The following RIF1 variants were observed in gnomAD, a reference collection of about 807,000 sequenced individuals.
The protein encoded by RIF1 is replication timing regulatory factor 1, also known as telomere-associated protein RIF1.
Under a neutral mutation model 247.1 loss-of-function variants are expected in RIF1, and 45 were observed. The ratio of observed to expected loss-of-function variants is 0.18; its 90% confidence interval spans 0.14 to 0.23. RIF1 has a LOEUF of 0.23. Among genes scored for constraint, RIF1 ranks in the 10% least tolerant of loss-of-function variants. The pLI, the probability that RIF1 is intolerant of heterozygous loss-of-function variation, is 1.00. For synonymous variants in RIF1, 1,087 were observed against 978.8 expected, an observed-to-expected ratio of 1.11 and a Z score of -2.06; for missense variants, 2,967 against 2,862.5, an observed-to-expected ratio of 1.04 and a Z score of -0.83.
Position 151,437,474 on chromosome 2 carries a change from T to TG in RIF1, c.1483+124dup, listed in dbSNP as rs1691448857. 4 of 702,304 alleles carry TG rather than the reference T, an allele frequency of 5.7e-6. No individual in the cohort carries two copies. The East Asian group carries it at 1.1e-4, about 19-fold the overall frequency. The allele number at this position is 702,304 out of a possible 1,614,324, so 43.5% of individuals were successfully genotyped here. On this transcript the variant is annotated intron_variant, in intron 13 of 35. Coordinates refer to ENST00000444746, the MANE Select transcript of RIF1 (RefSeq NM_018151.5). ...GGGAGGCCGAGGTGAGTGGATCACT[T>TG]GAGCTCAGGAGTTCGAGACCAGCCT...
Position 151,463,397 on chromosome 2 carries a change from A to G in RIF1, c.3877A>G (p.Lys1293Glu), listed in dbSNP as rs2152497763. Residue 1293 changes from lysine to glutamate, a missense_variant, in exon 30 of 36, where the codon AAA (lysine) becomes GAA (glutamate). Around this residue, in one of 7 missense-constraint regions of RIF1, gnomAD observed 2,028 missense variants for 1,825.6 expected, o/e 1.11. Coordinates refer to ENST00000444746, the MANE Select transcript of RIF1 (RefSeq NM_018151.5). Reference sequence around the variant, plus strand: ...TAAGAGATCAAGCCGGAGAGCTGGTAAAGCTGAACAAACAGGGAATAAAAG... The same window carrying G: ...TAAGAGATCAAGCCGGAGAGCTGGTGAAGCTGAACAAACAGGGAATAAAAG... ...GTKRSSRRAG[K>E]AEQTGNKRSK... The G allele has an allele frequency of 6.2e-7, 1 of 1,614,044 alleles. No individual in the cohort carries two copies. Among genetic ancestry groups the G allele is most frequent in the Non-Finnish European group, 8.5e-7 (1 of 1,179,984 alleles).
rs1415849520 is a variant in RIF1 at position 151,502,736 on chromosome 2, GTTA to G, written c.*710-292_*710-290del. The G allele has an allele frequency of 8.6e-6, 8 of 924,882 alleles. 1 individual carries two copies. The highest frequency in any genetic ancestry group is 5.2e-5 in the East Asian group (2 of 38,114). The allele number at this position is 924,882 out of a possible 1,614,324, so 57.3% of individuals were successfully genotyped here. A position where few individuals can be genotyped will look rare whatever the true frequency, so the allele number is the denominator to read the frequency against. ...TTTAGTAATTTTACATTTGTAAGGTGTTATTATTTTAAATAAAATTAAGGGATT... is the reference window on the plus strand; with the variant it reads ...TTTAGTAATTTTACATTTGTAAGGTGTTATTTTAAATAAAATTAAGGGATT... On this transcript the variant is annotated intron_variant and NMD_transcript_variant, in intron 11 of 13. Transcript: ENST00000454583.
At chr2:151,426,036 A>G (rs1011806617) in intron 8 of RIF1, among the ~76,000 whole-genome samples, 1 of 151,610 alleles carries the variant, frequency 6.6e-6, no homozygotes, top group Non-Finnish European at 1.5e-5. Flanking sequence ...ATCCAAGCTC[A>G]GTATTCTATT....
chr2:151,518,386 G>A, the RIF1 span: 1 of 1,612,024 alleles, frequency 6.2e-7, no homozygotes, highest in Non-Finnish European at 8.5e-7. Flanking sequence ...GTGTGGTAGT[G>A]GCCTTTACTC....
At chr2:151,528,201 GGCT>G in the RIF1 span, among the ~76,000 whole-genome samples, 3 of 152,142 alleles carry the variant, frequency 2.0e-5, no homozygotes, top group East Asian at 3.9e-4. Flanking sequence ...CTGGAGAACT[GGCT>G]GCATTGGGCC....
rs529548281 is a variant in RIF1 at position 151,466,185 on chromosome 2, T to C, written c.6600+65T>C. On this transcript the variant is annotated intron_variant, in intron 30 of 35. Coordinates refer to ENST00000444746, the MANE Select transcript of RIF1 (RefSeq NM_018151.5). ...TGGTTGGGATATTTTGGCCATACAG[T>C]GACCTCTGGTGAATGACAAAATATT... 3.4e-4 allele frequency: 284 copies of C among 844,094 alleles called. 1 individual carries two copies. In the South Asian group the frequency reaches 4.9e-3, roughly 14 times the overall value. The allele number at this position is 844,094 out of a possible 1,614,324, so 52.3% of individuals were successfully genotyped here. A position where few individuals can be genotyped will look rare whatever the true frequency, so the allele number is the denominator to read the frequency against.
In RIF1 at chr2:151,454,923, A is replaced by T; in HGVS notation, c.2373A>T (p.Lys791Asn). The change falls in exon 22 of 36, where the codon AAA (lysine) becomes AAT (asparagine). Residue 791 changes from lysine to asparagine, a missense_variant. Physicochemically the swap from Lys to Asn is moderately conservative, Grantham distance 94. Around this residue, in one of 7 missense-constraint regions of RIF1, gnomAD observed 2,028 missense variants for 1,825.6 expected, o/e 1.11. Coordinates refer to ENST00000444746, the MANE Select transcript of RIF1 (RefSeq NM_018151.5). ...KSPQRPSDWS[K>N]KKNEPLGKLT... ...CACAGAGACCTTCAGATTGGTCCAA[A>T]AAGAAGAATGAGCCCCTAGGGAAAT... 6.2e-7 allele frequency: 1 copy of T among 1,610,292 alleles called. No homozygotes were observed. Among genetic ancestry groups the T allele is most frequent in the Non-Finnish European group, 8.5e-7 (1 of 1,178,034 alleles).
In RIF1 at chr2:151,420,088, A is replaced by C. The variant is rs902583476; in HGVS notation, c.504-102A>C. On this transcript the variant is annotated intron_variant, in intron 6 of 35. Coordinates refer to ENST00000444746, the MANE Select transcript of RIF1 (RefSeq NM_018151.5). ...TGCATATTTGTATATATTCTAAAAC[A>C]AATGGGCCGTACTGTGTATATTTCT... The C allele has an allele frequency of 9.7e-6, 9 of 930,010 alleles. No homozygotes were observed. In the African/African-American group the frequency reaches 1.5e-4, roughly 16 times the overall value. 57.6% of individuals were successfully genotyped at this position (930,010 alleles called of 1,614,324 possible).
chr2:151,437,275 C>T lies in RIF1; in HGVS notation c.1407C>T (p.Ser469=). The T allele has an allele frequency of 6.2e-7, 1 of 1,613,764 alleles. No individual in the cohort carries two copies. The highest frequency in any genetic ancestry group is 1.7e-5 in the Admixed American group (1 of 59,990). ...AACATCCGTTAATCAGCAGCCCTTC[C>T]TTTTTTTCCAAACATGCAAATACAC... ...PLEHPLISSP[S]FFSKHANTLI... Residue 469 remains serine (S), a synonymous_variant, in exon 13 of 36, where the codon TCC becomes TCT. Coordinates refer to ENST00000444746, the MANE Select transcript of RIF1 (RefSeq NM_018151.5).
chr2:151,534,284 A>G, the RIF1 span: 1 of 1,613,532 alleles, frequency 6.2e-7, no homozygotes, highest in Non-Finnish European at 8.5e-7. Context: ...GGTGGTATTT[A>G]TCTTTCCGCT....
rs1200380971 is a variant in RIF1 at position 151,464,538 on chromosome 2, A to G, written c.5018A>G (p.Asn1673Ser). Residue 1673 changes from asparagine (N) to serine (S), a missense_variant, in exon 30 of 36, where the codon AAT (asparagine) becomes AGT (serine). Transcript: ENST00000444746. ...SFTSLPVPES[N>S]LRTRNAIKRL... ...ACAAGTCTACCTGTGCCAGAATCAA[A>G]TCTAAGGACTAGAAATGCCATTAAG... 1.2e-6 allele frequency: 2 copies of G among 1,611,832 alleles called. No individual in the cohort carries two copies. The highest frequency in any genetic ancestry group is 1.7e-6 in the Non-Finnish European group (2 of 1,179,176).
chr2:151,446,948 T>TC (rs748613344), intron 20 of RIF1, among the ~76,000 whole-genome samples: 14 of 90,436 alleles, frequency 1.5e-4, no homozygotes, highest in African/African-American at 4.1e-4. Flanking sequence ...TCTCTTTCTT[T>TC]TTTTTTTTTT....
At chr2:151,467,612 G>C (rs1303999190) in intron 30 of RIF1, among the ~76,000 whole-genome samples, 1 of 152,096 alleles carries the variant, frequency 6.6e-6, no homozygotes, top group Non-Finnish European at 1.5e-5. Flanking sequence ...CAAAGTGCTG[G>C]GATTACAGGT....
At chr2:151,526,250 C>T in the RIF1 span, 1 of 1,611,012 alleles carries the variant, frequency 6.2e-7, no homozygotes, top group African/African-American at 1.3e-5. Context: ...ACATGTTTCT[C>T]TTTGTATTTC....
At chr2:151,531,314 T>C in the RIF1 span, among the ~76,000 whole-genome samples, 34 of 132,592 alleles carry the variant, frequency 2.6e-4, no homozygotes, top group South Asian at 7.9e-4. Context: ...CTTTCTTTTT[T>C]TTTTTTTTTT....
downstream of RIF1, among the ~76,000 whole-genome samples, chr2:151,508,503 G>A (rs940176246): frequency 6.6e-6 from 1 of 152,214 alleles, no homozygotes; most frequent in African/African-American, 2.4e-5. Context: ...ACAGGCAGGC[G>A]GAGAGAAGCT....
intron 9 of RIF1, among the ~76,000 whole-genome samples, chr2:151,489,693 A>G (rs2054503844): frequency 6.6e-6 from 1 of 152,160 alleles, no homozygotes; most frequent in South Asian, 2.1e-4. Context: ...CACTATGCCC[A>G]GCAAATGTTT....
Position 151,460,010 on chromosome 2 carries a change from C to T in RIF1, c.2966C>T (p.Ser989Leu). Reference protein sequence around the residue: ...SGPYSDGTENSQLNVKISGME... With the variant: ...SGPYSDGTENLQLNVKISGME... ...TTTTTAATAAAACAGACAGAAAATT[C>T]ACAACTAAATGTGAAGATAAGTGGC... The change falls in exon 26 of 36, where the codon TCA (serine) becomes TTA (leucine). Residue 989 changes from serine to leucine, a missense_variant. Transcript: ENST00000444746. 3.3e-6 allele frequency: 5 copies of T among 1,521,750 alleles called. No individual in the cohort carries two copies. Among genetic ancestry groups the T allele is most frequent in the Non-Finnish European group, 4.4e-6 (5 of 1,128,604 alleles). The allele number at this position is 1,521,750 out of a possible 1,614,324, so 94.3% of individuals were successfully genotyped here. A position where few individuals can be genotyped will look rare whatever the true frequency, so the allele number is the denominator to read the frequency against.
intron 27 of RIF1, 43 bp from the exon 28 acceptor site, chr2:151,462,197 AAT>A: frequency 7.7e-7 from 1 of 1,292,804 alleles, no homozygotes; most frequent in Non-Finnish European, 1.1e-6. Context: ...TAATTGTAAG[AAT>A]ATCATCCGGT....
Sources: gnomAD v4.1 joint callset for allele counts (sites outside exome capture counted in the v4.1 genomes callset) on GRCh38, gnomAD v4.1.1 for gene constraint, gnomAD v4.1.1 regional missense constraint, MANE v1.5 for transcripts, NCBI Gene and HGNC (gene_info 2026-07-23, HGNC 2026-07-21) for gene names.